The following HHAT variants were observed in gnomAD, a reference collection of about 807,000 sequenced individuals.
HHAT encodes hedgehog acyltransferase.
HHAT carries 47 observed loss-of-function variants against 70.8 expected under a neutral mutation model. The observed-to-expected ratio is 0.66, with a 90% CI of 0.53 to 0.85. HHAT has a LOEUF of 0.85. Among genes scored for constraint, HHAT ranks in the 40% least tolerant of loss-of-function variants. The pLI is 0.00. For synonymous variants in HHAT, 228 were observed against 247.6 expected, an observed-to-expected ratio of 0.92 and a Z score of 0.74; for missense variants, 609 against 604.8, an observed-to-expected ratio of 1.01 and a Z score of -0.07.
chr1:210,667,528 C>T (rs1574115968), intron 11 of HHAT, among the ~76,000 whole-genome samples: 1 of 152,136 alleles, frequency 6.6e-6, no homozygotes, highest in Non-Finnish European at 1.5e-5. Flanking sequence ...CCAATGTTAT[C>T]TTTAAAATTT....
intron 3 of HHAT, among the ~76,000 whole-genome samples, chr1:210,377,950 T>G (rs906003194): frequency 6.6e-6 from 1 of 152,340 alleles, no homozygotes; most frequent in African/African-American, 2.4e-5. Context: ...AAGGTTTTAT[T>G]AGTGGAAGCA....
chr1:210,502,509 C>T (rs2094778160), intron 8 of HHAT, among the ~76,000 whole-genome samples: 1 of 151,706 alleles, frequency 6.6e-6, no homozygotes, highest in Admixed American at 6.6e-5. Context: ...GTGAGGCAAT[C>T]TGAGTTTAAG....
chr1:210,483,392 C>A (rs2094427927), intron 8 of HHAT, among the ~76,000 whole-genome samples: 1 of 152,180 alleles, frequency 6.6e-6, no homozygotes, highest in South Asian at 2.1e-4. Flanking sequence ...AGCGTCCTAA[C>A]CTTGCCTCTG....
chr1:210,340,249 A>G lies in HHAT; in HGVS notation c.-43-8684A>G, dbSNP rs1328054621. 1.8e-3 allele frequency among the ~76,000 whole-genome samples: 145 copies of G among 80,360 alleles called. 7 individuals carry two copies. Among genetic ancestry groups the G allele is most frequent in the African/African-American group, 5.9e-3 (78 of 13,306 alleles). The allele number at this position is 80,360 out of a possible 152,430, so 52.7% of individuals were successfully genotyped here. A position where few individuals can be genotyped will look rare whatever the true frequency, so the allele number is the denominator to read the frequency against. Reference sequence around the variant, plus strand: ...GAGCAAGACTCTGTCTCAGAAAAAAAAAAAAAAAAAAAAAAAAAAGACTCA... The same window carrying G: ...GAGCAAGACTCTGTCTCAGAAAAAAGAAAAAAAAAAAAAAAAAAAGACTCA... On this transcript the variant is annotated intron_variant, in intron 1 of 11. Coordinates refer to ENST00000261458, the MANE Select transcript of HHAT (RefSeq NM_018194.6).
intron 9 of HHAT, among the ~76,000 whole-genome samples, chr1:210,542,143 A>T (rs1487979737): frequency 2.6e-5 from 4 of 152,174 alleles, no homozygotes; most frequent in Non-Finnish European, 5.9e-5. Flanking sequence ...CTGTTTCAAG[A>T]TGAGAGACAG....
At chr1:210,630,003 C>T (rs865787104) in intron 11 of HHAT, among the ~76,000 whole-genome samples, 6 of 151,968 alleles carry the variant, frequency 3.9e-5, no homozygotes, top group East Asian at 1.9e-4. Flanking sequence ...CCACCACACC[C>T]GGCTAATTTT....
chr1:210,627,944 A>C (rs929545345), intron 11 of HHAT, among the ~76,000 whole-genome samples: 1 of 152,196 alleles, frequency 6.6e-6, no homozygotes, highest in Non-Finnish European at 1.5e-5. Flanking sequence ...GTTGCTTTTT[A>C]CAAGCCCTTT....
chr1:210,560,210 A>G (rs1485314086), intron 9 of HHAT, among the ~76,000 whole-genome samples: 2 of 152,224 alleles, frequency 1.3e-5, no homozygotes, highest in Non-Finnish European at 2.9e-5. Context: ...GTTCCTAAAG[A>G]TGGTCCTTTA....
At chr1:210,370,638 G>A (rs1355303639) in intron 3 of HHAT, among the ~76,000 whole-genome samples, 3 of 107,880 alleles carry the variant, frequency 2.8e-5, no homozygotes, top group Admixed American at 1.0e-4. Flanking sequence ...TTTTGGAGAC[G>A]GAGTCTCACT....
At chr1:210,433,701 G>C (rs956609833) in intron 7 of HHAT, among the ~76,000 whole-genome samples, 2 of 151,882 alleles carry the variant, frequency 1.3e-5, no homozygotes, top group African/African-American at 4.9e-5. Flanking sequence ...CTCTCCTGGA[G>C]ATATCAAACT....
intron 11 of HHAT, among the ~76,000 whole-genome samples, chr1:210,673,868 C>T (rs1680655304): frequency 6.6e-6 from 1 of 151,220 alleles, no homozygotes; most frequent in Admixed American, 6.6e-5. Context: ...CTCTTGGACT[C>T]AAGTGATCCT....
At chr1:210,556,665 A>T (rs2095575783) in intron 9 of HHAT, among the ~76,000 whole-genome samples, 2 of 152,170 alleles carry the variant, frequency 1.3e-5, no homozygotes. Context: ...TGTTTGATTG[A>T]TTGCAGTTTG....
chr1:210,431,120 A>G (rs2093229986), intron 7 of HHAT, among the ~76,000 whole-genome samples: 1 of 151,880 alleles, frequency 6.6e-6, no homozygotes, highest in Non-Finnish European at 1.5e-5. Flanking sequence ...ACATTCATCC[A>G]GAGAATATTT....
chr1:210,384,371 C>T (rs2090884637), intron 3 of HHAT, among the ~76,000 whole-genome samples: 1 of 152,112 alleles, frequency 6.6e-6, no homozygotes, highest in Admixed American at 6.6e-5. Context: ...ACGGGGCGGG[C>T]TGAGCTGTTA....
intron 10 of HHAT, among the ~76,000 whole-genome samples, chr1:210,596,647 G>T (rs1663075560): frequency 6.6e-6 from 1 of 152,070 alleles, no homozygotes; most frequent in East Asian, 1.9e-4. Flanking sequence ...TTCATCTTCA[G>T]AATTCCTGCT....
At chr1:210,479,414 C>T (rs1271491224) in intron 8 of HHAT, among the ~76,000 whole-genome samples, 1 of 152,182 alleles carries the variant, frequency 6.6e-6, no homozygotes, top group Non-Finnish European at 1.5e-5. Context: ...CACTGAGTCT[C>T]CATAGCCCCT....
At chr1:210,336,673 A>T (rs2085528275) in intron 1 of HHAT, among the ~76,000 whole-genome samples, 1 of 151,844 alleles carries the variant, frequency 6.6e-6, no homozygotes, top group Non-Finnish European at 1.5e-5. Context: ...AATCCCAGCT[A>T]CTCCTGAAGC....
intron 11 of HHAT, among the ~76,000 whole-genome samples, chr1:210,634,402 G>T (rs1411345130): frequency 1.3e-5 from 2 of 152,298 alleles, no homozygotes; most frequent in African/African-American, 4.8e-5. Flanking sequence ...AAGCTGGGTC[G>T]CCTCAGTGAG....
chr1:210,566,849 T>G (rs1346801152), intron 9 of HHAT, among the ~76,000 whole-genome samples: 1 of 152,210 alleles, frequency 6.6e-6, no homozygotes, highest in African/African-American at 2.4e-5. Context: ...TACAGAAAGC[T>G]GTCACACTGG....
Sources: allele counts gnomAD v4.1 joint callset (sites outside exome capture counted in the v4.1 genomes callset), GRCh38; gene constraint gnomAD v4.1.1; transcripts MANE v1.5; gene names NCBI Gene and HGNC (gene_info 2026-07-23, HGNC 2026-07-21).